IPO5: variants seen among roughly 807,000 people sequenced by gnomAD.
IPO5 encodes importin 5, also known as importin-5.
IPO5 carries 18 observed loss-of-function variants against 143.3 expected under a neutral mutation model. The ratio of observed to expected loss-of-function variants is 0.13; its 90% CI spans 0.09 to 0.19. The LOEUF is 0.19. IPO5 is among the 10% of genes least tolerant of loss of function. IPO5 has a pLI of 1.00. For synonymous variants in IPO5, 477 were observed against 465.7 expected (o/e 1.02, Z -0.31); for missense variants, 1,013 against 1,336.9 (o/e 0.76, Z 3.78).
At chr13:97,988,143 A>G in intron 6 of IPO5, 1 of 163,296 alleles carries the variant, frequency 6.1e-6, no homozygotes, top group Middle Eastern at 8.7e-4. Context: ...CAATATAACC[A>G]GAGTCTTATA....
chr13:97,995,079 T>G (rs929644819), intron 11 of IPO5, among the ~76,000 whole-genome samples: 10 of 149,668 alleles, frequency 6.7e-5, no homozygotes, highest in Admixed American at 1.3e-4. Flanking sequence ...GAGCCAAGAT[T>G]GCACCATTGC....
chr13:97,953,797 T>TG, intron 1 of IPO5, 81 bp downstream of exon 1: 1 of 404,870 alleles, frequency 2.5e-6, no homozygotes, highest in South Asian at 1.8e-5. Flanking sequence ...AGCGTGATAC[T>TG]GGAGGGAAAG....
intron 11 of IPO5, among the ~76,000 whole-genome samples, chr13:97,993,888 A>G (rs1888008299): frequency 6.6e-6 from 1 of 152,258 alleles, no homozygotes; most frequent in African/African-American, 2.4e-5. Context: ...ACACTGAGGT[A>G]GTGGTTGGAA....
intron 17 of IPO5, 55 bp from the exon 18 acceptor site, chr13:98,008,004 A>T: frequency 9.0e-7 from 1 of 1,110,978 alleles, no homozygotes; most frequent in Non-Finnish European, 1.4e-6. Context: ...TTTGCTAATT[A>T]CACAAGAAAC....
At chr13:98,018,970 ACTTTTTTTTTTTT>A (rs1890298708) in intron 26 of IPO5, among the ~76,000 whole-genome samples, 3 of 122,444 alleles carry the variant, frequency 2.5e-5, no homozygotes, top group Admixed American at 2.3e-4. Flanking sequence ...TTAGAATAGG[ACTTTTTTTTTTTT>A]CTTTAATTGA....
chr13:98,008,021 C>T (rs751133112), intron 17 of IPO5, 38 bp from the exon 18 acceptor site: 31 of 1,305,240 alleles, frequency 2.4e-5, no homozygotes, highest in Middle Eastern at 1.8e-4. Context: ...AAACAAAATT[C>T]GGTATCAACA....
chr13:98,010,251 T>A (rs759694795), intron 20 of IPO5, 27 bp downstream of exon 20: 1 of 1,602,484 alleles, frequency 6.2e-7, no homozygotes, highest in Non-Finnish European at 8.5e-7. Flanking sequence ...TTTACTAAAC[T>A]TTTATTTTAC....
chr13:97,969,033 A>G (rs1275998553), intron 2 of IPO5, among the ~76,000 whole-genome samples: 1 of 151,474 alleles, frequency 6.6e-6, no homozygotes, highest in Non-Finnish European at 1.5e-5. Context: ...TATGTTGGCC[A>G]GGCTGCGTAT....
chr13:98,008,347 T>C (rs1889435437), intron 18 of IPO5, among the ~76,000 whole-genome samples: 1 of 152,226 alleles, frequency 6.6e-6, no homozygotes, highest in Admixed American at 6.5e-5. Context: ...TCTGTGACTC[T>C]CACTCAAGTT....
intron 3 of IPO5, among the ~76,000 whole-genome samples, chr13:97,971,503 A>C (rs1268776927): frequency 6.6e-6 from 1 of 152,248 alleles, no homozygotes; most frequent in East Asian, 1.9e-4. Context: ...AATCTTACTT[A>C]TCAGCCAAGT....
intron 21 of IPO5, among the ~76,000 whole-genome samples, chr13:98,012,809 T>TTTTTTTTGTTTTTG (rs1555311431): frequency 1.4e-5 from 2 of 146,678 alleles, no homozygotes; most frequent in East Asian, 4.8e-4. Context: ...TGATTTTTTT[T>TTTTTTTTGTTTTTG]TTTTTTTTTT....
At chr13:98,018,416 T>C in intron 25 of IPO5, 69 bp from the exon 26 acceptor site, 2 of 1,124,362 alleles carry the variant, frequency 1.8e-6, no homozygotes, top group Non-Finnish European at 2.6e-6. Flanking sequence ...AGATAGTCTA[T>C]AGTGAATATT....
intron 28 of IPO5, 111 bp from the exon 29 acceptor site, chr13:98,021,625 G>T: frequency 2.0e-6 from 1 of 504,900 alleles, no homozygotes; most frequent in Non-Finnish European, 3.5e-6. Flanking sequence ...TCAAAATAAT[G>T]TACCTAGGGA....
chr13:97,975,876 C>G (rs1886243291), intron 3 of IPO5: 1 of 982,666 alleles, frequency 1.0e-6, no homozygotes, highest in African/African-American at 1.7e-5. Flanking sequence ...CTGAGTAACC[C>G]CTCTTCCGGG....
Position 98,006,272 on chromosome 13 carries a change from A to G in IPO5, c.1640A>G (p.Gln547Arg), listed in dbSNP as rs1889232265. Residue 547 changes from glutamine to arginine, a missense_variant, in exon 17 of 29, where the codon CAA (glutamine) becomes CGA (arginine). Coordinates refer to ENST00000651721, the MANE Select transcript of IPO5 (RefSeq NM_002271.6). ...SLKHIVENAV[Q>R]KELRLLRGKT... ...AAGCACATCGTTGAGAATGCGGTTC[A>G]AAAAGAACTGAGACTTCTGAGAGGA... The G allele has an allele frequency of 1.2e-6, 2 of 1,613,742 alleles. No individual in the cohort carries two copies. The highest frequency in any genetic ancestry group is 2.2e-5 in the South Asian group (2 of 91,076).
intron 2 of IPO5, among the ~76,000 whole-genome samples, chr13:97,968,917 G>A (rs569652673): frequency 2.0e-5 from 3 of 151,568 alleles, no homozygotes; most frequent in Non-Finnish European, 2.9e-5. Flanking sequence ...TTGAACTCCC[G>A]ACCTCAAGTG....
At chr13:97,965,218 A>G (rs1319936053) in intron 2 of IPO5, among the ~76,000 whole-genome samples, 1 of 152,196 alleles carries the variant, frequency 6.6e-6, no homozygotes, top group African/African-American at 2.4e-5. Context: ...AAGGGAGAGC[A>G]TTAGGACAAA....
Position 97,990,007 on chromosome 13 carries a change from C to T in IPO5, c.468-119C>T. Reference sequence around the variant, plus strand: ...TAGAGAATGGGTAGATGATGTTCAACCTATGGATTAATGCGTACTGAGTCA... The same window carrying T: ...TAGAGAATGGGTAGATGATGTTCAATCTATGGATTAATGCGTACTGAGTCA... On this transcript the variant is annotated intron_variant, in intron 7 of 28. Transcript: ENST00000651721. 2 of 646,372 alleles carry T rather than the reference C, an allele frequency of 3.1e-6. 1 individual carries two copies. Among genetic ancestry groups the T allele is most frequent in the South Asian group, 4.0e-5 (2 of 50,560 alleles). 40.0% of individuals were successfully genotyped at this position (646,372 alleles called of 1,614,324 possible).
chr13:97,995,047 C>CTT (rs1239272852), intron 11 of IPO5, among the ~76,000 whole-genome samples: 2 of 151,578 alleles, frequency 1.3e-5, no homozygotes, highest in Non-Finnish European at 2.9e-5. Flanking sequence ...ATTGCTTGAG[C>CTT]CCAAGAGGTC....
Sources: allele counts gnomAD v4.1 joint callset (sites outside exome capture counted in the v4.1 genomes callset), GRCh38; gene constraint gnomAD v4.1.1; transcripts MANE v1.5; gene names NCBI Gene and HGNC (gene_info 2026-07-23, HGNC 2026-07-21).